The following PIWIL2 variants were observed in gnomAD, a reference collection of about 807,000 sequenced individuals.
The protein encoded by PIWIL2 is piwi-like protein 2.
Under a neutral mutation model 116.5 loss-of-function variants are expected in PIWIL2, and 81 were observed. The observed-to-expected ratio is 0.70, with a 90% CI of 0.58 to 0.84. The LOEUF (loss-of-function observed/expected upper bound fraction) is 0.84. PIWIL2 is among the 40% of genes least tolerant of loss of function. PIWIL2 has a pLI of 0.00. For synonymous variants in PIWIL2, 489 were observed against 429.5 expected, an observed-to-expected ratio of 1.14 and a Z score of -1.71; for missense variants, 1,272 against 1,212.3, an observed-to-expected ratio of 1.05 and a Z score of -0.73.
chr8:22,311,381 C>T, intron 16 of PIWIL2, 81 bp downstream of exon 16: 1 of 1,140,550 alleles, frequency 8.8e-7, no homozygotes, highest in Non-Finnish European at 1.3e-6. Context: ...TCATGGTTAT[C>T]AGTCTGCTGT....
chr8:22,356,768 G>C lies in PIWIL2; in HGVS notation c.*1263G>C, dbSNP rs772861929. 1 of 152,112 alleles carries C rather than the reference G, an allele frequency of 6.6e-6. No individual in the cohort carries two copies. The highest frequency in any genetic ancestry group is 1.5e-5 in the Non-Finnish European group (1 of 68,028). 9.4% of individuals were successfully genotyped at this position (152,112 alleles called of 1,614,324 possible). ...TTTCCAGAAGTCAGCTTTGGAAAAC[G>C]TGACACTCCTACCAAAGTCCAGATG... On this transcript the variant is annotated 3_prime_UTR_variant, in exon 23 of 23. Transcript: ENST00000356766.
chr8:22,281,290 G>A (rs1378689651), intron 3 of PIWIL2, 83 bp downstream of exon 3: 21 of 1,547,858 alleles, frequency 1.4e-5, no homozygotes, highest in South Asian at 1.1e-4. Flanking sequence ...TTTCAGAAAC[G>A]TAACTGTGCT....
chr8:22,279,442 G>T lies in PIWIL2; in HGVS notation c.56G>T (p.Cys19Phe). 1 of 1,614,104 alleles carries T rather than the reference G, an allele frequency of 6.2e-7. No homozygotes were observed. Residue 19 changes from cysteine to phenylalanine, a missense_variant, in exon 2 of 23, where the codon TGC becomes TTC. Transcript: ENST00000356766. Reference sequence around the variant, plus strand: ...CAGTCTCCTATCCACCCATCCCAGTGCCAGGCTGTACGGATGCCAGGCTGT... The same window carrying T: ...CAGTCTCCTATCCACCCATCCCAGTTCCAGGCTGTACGGATGCCAGGCTGT... The part of the protein sequence containing the change: ...RGQSPIHPSQ[C>F]QAVRMPGCWP...
At chr8:22,285,181 A>C (rs145660707) in intron 6 of PIWIL2, among the ~76,000 whole-genome samples, 1 of 152,142 alleles carries the variant, frequency 6.6e-6, no homozygotes, top group African/African-American at 2.4e-5. Flanking sequence ...CCACCTGTCT[A>C]TCTGAAACTT....
chr8:22,302,467 C>G, intron 10 of PIWIL2, among the ~76,000 whole-genome samples: 1 of 152,196 alleles, frequency 6.6e-6, no homozygotes, highest in South Asian at 2.1e-4. Flanking sequence ...GTGTGAGCTA[C>G]TGCGCCCAGC....
chr8:22,276,672 G>T (rs1333754541), intron 1 of PIWIL2, among the ~76,000 whole-genome samples: 1 of 152,188 alleles, frequency 6.6e-6, no homozygotes, highest in Non-Finnish European at 1.5e-5. Context: ...AGTCTGAGGT[G>T]AGAGGATCAC....
chr8:22,345,320 T>C (rs115609738), intron 20 of PIWIL2, among the ~76,000 whole-genome samples: 1,865 of 152,296 alleles, frequency 0.012, 31 homozygotes, highest in African/African-American at 0.04. Context: ...CAAAAACTTA[T>C]ACACAAATGT....
intron 20 of PIWIL2, among the ~76,000 whole-genome samples, chr8:22,329,936 T>C (rs1459687836): frequency 2.0e-5 from 3 of 152,226 alleles, no homozygotes; most frequent in Non-Finnish European, 1.5e-5. Context: ...GAGTTTATCC[T>C]GCTTGGTGTC....
rs1830717161 is a variant in PIWIL2 at position 22,289,834 on chromosome 8, C to G, written c.987-13C>G. 6.5e-7 allele frequency: 1 copy of G among 1,540,400 alleles called. No homozygotes were observed. Among genetic ancestry groups the G allele is most frequent in the Non-Finnish European group, 9.0e-7 (1 of 1,114,040 alleles). On this transcript the variant is annotated splice_polypyrimidine_tract_variant and intron_variant, in intron 8 of 22. Transcript: ENST00000356766. Reference sequence around the variant, plus strand: ...TCTTCTATTAGAAAACTCATACTTGCTTTTTATTTCAGGGTAATGAAACTT... The same window carrying G: ...TCTTCTATTAGAAAACTCATACTTGGTTTTTATTTCAGGGTAATGAAACTT...
intron 21 of PIWIL2, among the ~76,000 whole-genome samples, chr8:22,353,533 A>C (rs1287420791): frequency 6.6e-6 from 1 of 152,108 alleles, no homozygotes. Flanking sequence ...CTGTAATGCC[A>C]GCTACTCGGG....
rs181093681 is a variant in PIWIL2 at position 22,342,877 on chromosome 8, T to A, written c.2404-10082T>A. On this transcript the variant is annotated intron_variant, in intron 20 of 22. Coordinates refer to ENST00000356766, the MANE Select transcript of PIWIL2 (RefSeq NM_018068.5). ...ACACGTATCTGATAAAGGACTGTTATAAAGTATACAAAGAACTCTTAAAAC... is the reference window on the plus strand; with the variant it reads ...ACACGTATCTGATAAAGGACTGTTAAAAAGTATACAAAGAACTCTTAAAAC... Among the ~76,000 whole-genome samples, 29 of 152,280 alleles carry A rather than the reference T, an allele frequency of 1.9e-4. No homozygotes were observed. The East Asian group carries it at 5.4e-3, about 28-fold the overall frequency.
intron 14 of PIWIL2, 52 bp from the exon 15 acceptor site, chr8:22,309,908 TC>T (rs1831284370): frequency 9.2e-7 from 1 of 1,083,590 alleles, no homozygotes. Context: ...GCAGTGTTTT[TC>T]TAAATAGCGT....
At chr8:22,282,542 A>G (rs1318986018) in intron 4 of PIWIL2, among the ~76,000 whole-genome samples, 1 of 151,860 alleles carries the variant, frequency 6.6e-6, no homozygotes, top group African/African-American at 2.4e-5. Flanking sequence ...CTGCTATGGA[A>G]GATGGCTCTG....
At chr8:22,336,751 T>C (rs1357476726) in intron 20 of PIWIL2, among the ~76,000 whole-genome samples, 1 of 151,862 alleles carries the variant, frequency 6.6e-6, no homozygotes, top group Non-Finnish European at 1.5e-5. Flanking sequence ...AAAAATAATA[T>C]TAGTAGATAT....
In PIWIL2 at chr8:22,355,612, T is replaced by C; in HGVS notation, c.*107T>C. The C allele has an allele frequency of 1.0e-6, 1 of 968,408 alleles. No homozygotes were observed. The highest frequency in any genetic ancestry group is 1.5e-6 in the Non-Finnish European group (1 of 648,236). 60.0% of individuals were successfully genotyped at this position (968,408 alleles called of 1,614,324 possible). ...GAAGTGGGCTTTTGTGTTATAATTTTCCCTTTCTCCAACCCTGTAGAATAA... is the reference window on the plus strand; with the variant it reads ...GAAGTGGGCTTTTGTGTTATAATTTCCCCTTTCTCCAACCCTGTAGAATAA... On this transcript the variant is annotated 3_prime_UTR_variant, in exon 23 of 23. Coordinates refer to ENST00000356766, the MANE Select transcript of PIWIL2 (RefSeq NM_018068.5).
chr8:22,288,739 T>G (rs943064288), intron 8 of PIWIL2, 73 bp downstream of exon 8: 2 of 1,345,756 alleles, frequency 1.5e-6, no homozygotes, highest in Non-Finnish European at 2.1e-6. Context: ...TTCAAGATAC[T>G]TGGATGGAAA....
chr8:22,332,623 C>A lies in PIWIL2; in HGVS notation c.2403+14348C>A, dbSNP rs539004456. Among the ~76,000 whole-genome samples, 65 of 152,138 alleles carry A rather than the reference C, an allele frequency of 4.3e-4. 2 individuals carry two copies. Among genetic ancestry groups the A allele is most frequent in the African/African-American group, 1.6e-3 (65 of 41,472 alleles). ...TTAAAAAGAGGTTCCTTCAAAGGAT[C>A]AATATGGACTAATAGCTAACATCAA... On this transcript the variant is annotated intron_variant, in intron 20 of 22. Coordinates refer to ENST00000356766, the MANE Select transcript of PIWIL2 (RefSeq NM_018068.5).
At chr8:22,279,643 G>A in intron 2 of PIWIL2, 59 bp downstream of exon 2, 1 of 1,493,164 alleles carries the variant, frequency 6.7e-7, no homozygotes, top group Non-Finnish European at 9.3e-7. Flanking sequence ...GCCGTCAGAG[G>A]AAGTAATGGA....
intron 20 of PIWIL2, among the ~76,000 whole-genome samples, chr8:22,330,691 T>A (rs959942115): frequency 8.4e-6 from 1 of 119,542 alleles, no homozygotes; most frequent in Non-Finnish European, 1.9e-5. Flanking sequence ...AGTGAGACTC[T>A]GTCTCAAAAT....
Sources: allele counts gnomAD v4.1 joint callset (sites outside exome capture counted in the v4.1 genomes callset), GRCh38; gene constraint gnomAD v4.1.1; transcripts MANE v1.5; gene names NCBI Gene and HGNC (gene_info 2026-07-23, HGNC 2026-07-21).